CTIF: variants seen among roughly 807,000 people sequenced by gnomAD.
The protein encoded by CTIF is cap binding complex dependent translation initiation factor, also known as CBP80/20-dependent translation initiation factor.
A neutral mutation model predicts 66.0 loss-of-function variants in CTIF; 21 were observed. The observed-to-expected ratio is 0.32, with a 90% confidence interval of 0.23 to 0.46. The LOEUF is 0.46. CTIF is among the 20% of genes least tolerant of loss of function. The pLI is 1.00. For missense variants in CTIF, 739 were observed against 812.7 expected, an observed-to-expected ratio of 0.91 and a Z score of 1.10; for synonymous variants, 345 against 326.4, an observed-to-expected ratio of 1.06 and a Z score of -0.62.
chr18:48,590,086 G>A (rs572963209), intron 1 of CTIF, among the ~76,000 whole-genome samples: 1 of 152,344 alleles, frequency 6.6e-6, no homozygotes, highest in South Asian at 2.1e-4. Flanking sequence ...CTTTGCCCAT[G>A]TGCAGAGTTT....
At chr18:48,587,292 G>C (rs563441090) in intron 1 of CTIF, among the ~76,000 whole-genome samples, 1 of 152,066 alleles carries the variant, frequency 6.6e-6, no homozygotes, top group South Asian at 2.1e-4. Flanking sequence ...ATGTTGGCCA[G>C]GCTGGTCTCG....
chr18:48,731,680 GT>G (rs2092457829), intron 7 of CTIF, among the ~76,000 whole-genome samples: 1 of 152,196 alleles, frequency 6.6e-6, no homozygotes, highest in African/African-American at 2.4e-5. Flanking sequence ...GACCTCTTTA[GT>G]TTTTAGCGGG....
intron 1 of CTIF, among the ~76,000 whole-genome samples, chr18:48,554,922 C>T (rs1233157498): frequency 6.6e-6 from 1 of 152,232 alleles, no homozygotes; most frequent in Non-Finnish European, 1.5e-5. Flanking sequence ...CCCAGTAGCC[C>T]TGGCTGTGAT....
intron 1 of CTIF, among the ~76,000 whole-genome samples, chr18:48,606,019 C>A (rs928383902): frequency 6.6e-6 from 1 of 152,192 alleles, no homozygotes; most frequent in Non-Finnish European, 1.5e-5. Context: ...GTGGCCTTGG[C>A]CAAGAGGTCT....
intron 11 of CTIF, among the ~76,000 whole-genome samples, chr18:48,859,007 G>A (rs917726559): frequency 6.6e-6 from 1 of 152,190 alleles, no homozygotes; most frequent in African/African-American, 2.4e-5. Flanking sequence ...ATTTGAGGGT[G>A]CGGATGTAGT....
chr18:48,627,368 G>A (rs1370051739), intron 2 of CTIF, among the ~76,000 whole-genome samples: 1 of 152,156 alleles, frequency 6.6e-6, no homozygotes, highest in Admixed American at 6.5e-5. Context: ...AAGGAAATGG[G>A]ATGTTAGAAG....
intron 7 of CTIF, among the ~76,000 whole-genome samples, chr18:48,749,620 T>C (rs1275913059): frequency 6.6e-6 from 1 of 152,210 alleles, no homozygotes; most frequent in Non-Finnish European, 1.5e-5. Flanking sequence ...CAAACACTAA[T>C]ATAGCACTTG....
At chr18:48,850,195 G>A (rs2069171044) in intron 10 of CTIF, among the ~76,000 whole-genome samples, 1 of 152,096 alleles carries the variant, frequency 6.6e-6, no homozygotes, top group Admixed American at 6.5e-5. Flanking sequence ...GTGTCTCAAT[G>A]GCCTTCCTTT....
intron 6 of CTIF, among the ~76,000 whole-genome samples, chr18:48,687,305 G>GACACACACACACACACACACAC (rs3082465): frequency 1.6e-5 from 2 of 128,636 alleles, no homozygotes; most frequent in African/African-American, 6.2e-5. Context: ...TCTAGGAGGG[G>GACACACACACACACACACACAC]ACACACACAC....
intron 7 of CTIF, among the ~76,000 whole-genome samples, chr18:48,749,487 C>T (rs1326175181): frequency 1.3e-5 from 2 of 152,184 alleles, no homozygotes; most frequent in Non-Finnish European, 2.9e-5. Flanking sequence ...CTTGACCTAA[C>T]ATTTGAAACA....
chr18:48,678,554 G>A (rs1048431625), intron 6 of CTIF, among the ~76,000 whole-genome samples: 99 of 151,818 alleles, frequency 6.5e-4, no homozygotes, highest in African/African-American at 2.2e-3. Flanking sequence ...CGTGCTCTGT[G>A]AGGCGAGCCT....
In CTIF at chr18:48,767,389, G is replaced by T. The variant is rs934696369; in HGVS notation, c.1371+5700G>T. On this transcript the variant is annotated intron_variant, in intron 9 of 11. Transcript: ENST00000256413. ...CCTGTCACTGCCCCGGGACGTCCAC[G>T]TGGGCTCTGGGAATGCTCCTTTGCT... Among the ~76,000 whole-genome samples, 7 of 152,122 alleles carry T rather than the reference G, an allele frequency of 4.6e-5. No individual in the cohort carries two copies. The South Asian group carries it at 1.5e-3, about 32-fold the overall frequency.
intron 6 of CTIF, among the ~76,000 whole-genome samples, chr18:48,701,253 C>A (rs1051863220): frequency 3.3e-5 from 5 of 152,032 alleles, no homozygotes; most frequent in African/African-American, 9.7e-5. Context: ...TCTTTCTGCC[C>A]CTGGTCTGCA....
At position 48,663,836 on chromosome 18, in the gene CTIF, C is replaced by T. The variant is rs1429322454; in HGVS notation, c.326+11C>T. The T allele has an allele frequency of 6.2e-7, 1 of 1,613,288 alleles. No homozygotes were observed. Among genetic ancestry groups the T allele is most frequent in the South Asian group, 1.1e-5 (1 of 91,070 alleles). On this transcript the variant is annotated intron_variant, in intron 4 of 11. Coordinates refer to ENST00000256413, the MANE Select transcript of CTIF (RefSeq NM_014772.3). ...CTTCGATTCCTTCAGGTAACCTCCT[C>T]CTCCCTCCTTCCCTGTGGTGTGAGG... is the stretch of plus-strand genomic sequence containing the variant.
intron 1 of CTIF, among the ~76,000 whole-genome samples, chr18:48,581,967 C>T (rs1240229177): frequency 6.6e-6 from 1 of 151,944 alleles, no homozygotes; most frequent in African/African-American, 2.4e-5. Flanking sequence ...TGAGTAGACC[C>T]AGAAGGATGA....
intron 6 of CTIF, among the ~76,000 whole-genome samples, chr18:48,698,207 G>A (rs1202459400): frequency 7.1e-6 from 1 of 140,892 alleles, no homozygotes; most frequent in Non-Finnish European, 1.5e-5. Flanking sequence ...AGTACACAAG[G>A]AGAAAATGAC....
At chr18:48,681,696 C>G (rs920369561) in intron 6 of CTIF, among the ~76,000 whole-genome samples, 2 of 152,182 alleles carry the variant, frequency 1.3e-5, no homozygotes, top group African/African-American at 4.8e-5. Context: ...GATTGCCAAG[C>G]CCCTGATCCA....
chr18:48,634,884 G>C (rs2090784513), intron 2 of CTIF, among the ~76,000 whole-genome samples: 1 of 152,224 alleles, frequency 6.6e-6, no homozygotes, highest in African/African-American at 2.4e-5. Context: ...TTCTAACACG[G>C]AATGGAAAGA....
intron 5 of CTIF, among the ~76,000 whole-genome samples, chr18:48,666,989 T>C (rs1268975190): frequency 6.6e-6 from 1 of 151,632 alleles, no homozygotes; most frequent in African/African-American, 2.4e-5. Flanking sequence ...GCCACAGGAA[T>C]AGGAGCAGGA....
Sources: gnomAD v4.1 joint callset for allele counts (sites outside exome capture counted in the v4.1 genomes callset) on GRCh38, gnomAD v4.1.1 for gene constraint, MANE v1.5 for transcripts, NCBI Gene and HGNC (gene_info 2026-07-23, HGNC 2026-07-21) for gene names.